The following TENM3 variants were observed in gnomAD, a reference collection of about 807,000 sequenced individuals.
The protein encoded by TENM3 is teneurin transmembrane protein 3.
TENM3 carries 63 observed loss-of-function variants against 255.1 expected under a neutral mutation model. That is an observed-to-expected ratio of 0.25 (90% CI 0.20 to 0.30). The LOEUF is 0.30. Ranked by LOEUF, TENM3 falls within the 10% of genes least tolerant of loss-of-function variation. The pLI is 1.00. For synonymous variants in TENM3, 1,306 were observed against 1,322.3 expected (o/e 0.99, Z 0.27); for missense variants, 2,929 against 3,461.1 (o/e 0.85, Z 3.86).
intron 3 of TENM3, among the ~76,000 whole-genome samples, chr4:182,489,977 G>A (rs1416647123): frequency 6.6e-6 from 1 of 152,026 alleles, no homozygotes; most frequent in Non-Finnish European, 1.5e-5. Flanking sequence ...TATTATACAA[G>A]GTAGAAAATG....
intron 3 of TENM3, among the ~76,000 whole-genome samples, chr4:182,520,590 T>G (rs1209871392): frequency 6.6e-6 from 1 of 152,206 alleles, no homozygotes; most frequent in East Asian, 1.9e-4. Context: ...AAATTATTCC[T>G]GCTAAGTGTA....
the TENM3 span, among the ~76,000 whole-genome samples, chr4:181,977,205 C>A: frequency 1.3e-5 from 2 of 151,896 alleles, no homozygotes; most frequent in Non-Finnish European, 2.9e-5. Context: ...AGTACCTACC[C>A]CCATAGGATC....
At chr4:182,273,291 T>C (rs1010845403) in intron 1 of TENM3, among the ~76,000 whole-genome samples, 2 of 152,210 alleles carry the variant, frequency 1.3e-5, no homozygotes, top group African/African-American at 4.8e-5. Flanking sequence ...TCACTACTTA[T>C]ACATGCTATA....
chr4:182,551,285 A>AGAT (rs796482091), intron 3 of TENM3, among the ~76,000 whole-genome samples: 2 of 151,926 alleles, frequency 1.3e-5, no homozygotes, highest in Non-Finnish European at 2.9e-5. Flanking sequence ...AATAACACGA[A>AGAT]GATGATGAAA....
At chr4:181,915,653 CAGAGA>C in the TENM3 span, among the ~76,000 whole-genome samples, 2 of 121,310 alleles carry the variant, frequency 1.6e-5, no homozygotes. Context: ...AGAGGAGAAG[CAGAGA>C]GGGGAGGGGA....
the TENM3 span, among the ~76,000 whole-genome samples, chr4:182,057,032 T>A: frequency 6.6e-6 from 1 of 151,096 alleles, no homozygotes; most frequent in African/African-American, 2.4e-5. Flanking sequence ...AATAGAGAGA[T>A]CTCGAATGCC....
chr4:181,819,046 G>A, the TENM3 span, among the ~76,000 whole-genome samples: 1 of 152,114 alleles, frequency 6.6e-6, no homozygotes, highest in Non-Finnish European at 1.5e-5. Context: ...CCATCCACCT[G>A]CCTCTGGCTC....
chr4:182,475,052 A>T lies in TENM3; in HGVS notation c.512-125872A>T, dbSNP rs555992859. ...CCCCCATATAAGTCCTCTGAACTGC[A>T]AGGGCTTCTGAAGATGGGCAGTGCA... is the stretch of plus-strand genomic sequence containing the variant. On this transcript the variant is annotated intron_variant, in intron 3 of 27. Transcript: ENST00000511685. 9.2e-5 allele frequency among the ~76,000 whole-genome samples: 14 copies of T among 152,276 alleles called. No individual in the cohort carries two copies. In the East Asian group the frequency reaches 2.7e-3, roughly 29 times the overall value.
At chr4:182,496,559 G>GA (rs1318287360) in intron 3 of TENM3, among the ~76,000 whole-genome samples, 1 of 152,062 alleles carries the variant, frequency 6.6e-6, no homozygotes, top group Non-Finnish European at 1.5e-5. Flanking sequence ...TGGGAGATTT[G>GA]ATTGATTTCT....
intron 7 of TENM3, among the ~76,000 whole-genome samples, chr4:182,676,705 C>T (rs577612767): frequency 2.6e-5 from 4 of 152,272 alleles, no homozygotes; most frequent in African/African-American, 9.6e-5. Context: ...ATAAATACAA[C>T]AAACATGGGC....
At chr4:181,863,376 T>C in the TENM3 span, among the ~76,000 whole-genome samples, 3 of 152,124 alleles carry the variant, frequency 2.0e-5, no homozygotes, top group Non-Finnish European at 4.4e-5. Flanking sequence ...TCAAAGACAG[T>C]AAATATCATG....
At chr4:182,306,980 A>AG (rs1762173099) in intron 1 of TENM3, among the ~76,000 whole-genome samples, 1 of 152,232 alleles carries the variant, frequency 6.6e-6, no homozygotes, top group African/African-American at 2.4e-5. Flanking sequence ...TCTCATTTAC[A>AG]TCACAGCAAT....
chr4:181,674,494 G>A, the TENM3 span, among the ~76,000 whole-genome samples: 2 of 151,656 alleles, frequency 1.3e-5, no homozygotes, highest in Non-Finnish European at 2.9e-5. Context: ...TTTTGTGCAA[G>A]ACTTCTCAGA....
intron 3 of TENM3, among the ~76,000 whole-genome samples, chr4:182,495,514 A>C (rs564974472): frequency 6.6e-6 from 1 of 152,326 alleles, no homozygotes; most frequent in Admixed American, 6.5e-5. Flanking sequence ...TGAAAAAAAA[A>C]ATGACTGTAT....
intron 5 of TENM3, among the ~76,000 whole-genome samples, chr4:182,650,889 A>ATATATATATATATATATAT (rs1554007797): frequency 3.4e-5 from 1 of 29,758 alleles, no homozygotes. Flanking sequence ...AATAAAAAAA[A>ATATATATATATATATATAT]ATATATATAT....
chr4:182,012,080 T>C, the TENM3 span, among the ~76,000 whole-genome samples: 17 of 152,210 alleles, frequency 1.1e-4, no homozygotes, highest in African/African-American at 4.1e-4. Flanking sequence ...CCAGCCTTCA[T>C]GTCAGCCAAT....
At chr4:181,556,365 T>G in the TENM3 span, among the ~76,000 whole-genome samples, 3 of 152,040 alleles carry the variant, frequency 2.0e-5, no homozygotes, top group East Asian at 3.9e-4. Context: ...ATTTGTGGGG[T>G]TTTTTTCTAA....
At chr4:181,538,876 A>G in the TENM3 span, among the ~76,000 whole-genome samples, 1 of 152,246 alleles carries the variant, frequency 6.6e-6, no homozygotes, top group East Asian at 1.9e-4. Context: ...AATGAACACA[A>G]TAACAGGTGT....
At chr4:181,966,444 C>G in the TENM3 span, among the ~76,000 whole-genome samples, 1 of 152,164 alleles carries the variant, frequency 6.6e-6, no homozygotes, top group Admixed American at 6.5e-5. Flanking sequence ...CAGAAGGCCA[C>G]AGCTAATGTT....
Sources: gnomAD v4.1 joint callset for allele counts (sites outside exome capture counted in the v4.1 genomes callset) on GRCh38, gnomAD v4.1.1 for gene constraint, MANE v1.5 for transcripts, NCBI Gene and HGNC (gene_info 2026-07-23, HGNC 2026-07-21) for gene names.